The following KIF1A variants were observed in gnomAD, a reference collection of about 807,000 sequenced individuals.
KIF1A encodes the protein kinesin family member 1A.
Under a neutral mutation model 227.3 loss-of-function variants are expected in KIF1A, and 46 were observed. That is an observed-to-expected ratio of 0.20 (90% CI 0.16 to 0.26). The LOEUF (loss-of-function observed/expected upper bound fraction) is 0.26. Ranked by LOEUF, KIF1A falls within the 10% of genes least tolerant of loss-of-function variation. The pLI, the probability that KIF1A is intolerant of heterozygous loss-of-function variation, is 1.00. For synonymous variants in KIF1A, 1,022 were observed against 1,012.8 expected (o/e 1.01, Z -0.17); for missense variants, 1,683 against 2,485.9 (o/e 0.68, Z 6.87).
rs569539453 is a variant in KIF1A, at chr2:240,788,347, G to C, written c.184-117C>G. ...CTCAGGGTGCCAGGGCAGCACAGTG[G>C]GGAGGGATGCCTGCCCCCCATCCTA... On this transcript the variant is annotated intron_variant, in intron 3 of 48. Coordinates refer to ENST00000498729, the MANE Select transcript of KIF1A (RefSeq NM_001244008.2). The surrounding 1 kb of genome is among the most constrained non-coding windows in gnomAD (Gnocchi z 6.6). The C allele has an allele frequency of 1.1e-6, 1 of 894,860 alleles. No individual in the cohort carries two copies. The highest frequency in any genetic ancestry group is 1.7e-5 in the African/African-American group (1 of 59,852). 55.4% of individuals were successfully genotyped at this position (894,860 alleles called of 1,614,324 possible). A position where few individuals can be genotyped will look rare whatever the true frequency, so the allele number is the denominator to read the frequency against.
rs1434996619 is a variant in KIF1A at position 240,720,908 on chromosome 2, A to G, written c.4868+6T>C. On this transcript the variant is annotated splice_donor_region_variant and intron_variant, in intron 45 of 48. Coordinates refer to ENST00000498729, the MANE Select transcript of KIF1A (RefSeq NM_001244008.2). ...AAGCCACTCCGGGAGCCTGGAGCTC[A>G]CTCACCTCAGGTCAGTGGCACCGTA... The G allele has an allele frequency of 6.4e-7, 1 of 1,555,174 alleles. No homozygotes were observed. The highest frequency in any genetic ancestry group is 8.7e-7 in the Non-Finnish European group (1 of 1,145,066).
Position 240,758,041 on chromosome 2 carries a change from G to T in KIF1A, c.2582+319C>A, listed in dbSNP as rs1003539067. On this transcript the variant is annotated intron_variant, in intron 26 of 48. Transcript: ENST00000498729. The surrounding 1 kb of genome is among the most constrained non-coding windows in gnomAD (Gnocchi z 5.2). ...ATGTTCCCACCCTCAGGACCAACAGGTGACCTGGAAAGTTTGCTTGGGAGC... is the reference window on the plus strand; with the variant it reads ...ATGTTCCCACCCTCAGGACCAACAGTTGACCTGGAAAGTTTGCTTGGGAGC... 6.6e-6 allele frequency among the ~76,000 whole-genome samples: 1 copy of T among 152,220 alleles called. No homozygotes were observed. The highest frequency in any genetic ancestry group is 1.5e-5 in the Non-Finnish European group (1 of 68,038).
chr2:240,732,140 T>G (rs116333880), intron 38 of KIF1A, among the ~76,000 whole-genome samples: 198 of 4,554 alleles, frequency 0.043, no homozygotes, highest in South Asian at 0.055. Context: ...GAGGAGGGGA[T>G]GAGGGATTGG....
intron 33 of KIF1A, 55 bp downstream of exon 33, chr2:240,743,887 C>A (rs1223212312): frequency 5.1e-6 from 6 of 1,178,470 alleles, no homozygotes; most frequent in Non-Finnish European, 7.6e-6. Context: ...ATGAAAAGAT[C>A]TGGGCAGGGG....
chr2:240,738,469 GC>G (rs1232034313), intron 37 of KIF1A, among the ~76,000 whole-genome samples: 7 of 152,184 alleles, frequency 4.6e-5, no homozygotes, highest in Non-Finnish European at 8.8e-5. Context: ...GGGATGCTGA[GC>G]TTGGAGAAGG....
At chr2:240,743,632 G>A (rs1043292343) in intron 33 of KIF1A, among the ~76,000 whole-genome samples, 1 of 152,120 alleles carries the variant, frequency 6.6e-6, no homozygotes, top group African/African-American at 2.4e-5. Context: ...GGCAGCAGAA[G>A]TGGTCTCCCC....
rs563345134 is a variant in KIF1A, at chr2:240,772,600, T to C, written c.1181-4A>G. 5.6e-5 allele frequency: 86 copies of C among 1,535,618 alleles called. No homozygotes were observed. The Admixed American group carries it at 1.7e-3, about 30-fold the overall frequency. Reference sequence around the variant, plus strand: ...GGTCCTCCAGGCACAGTGTTGGCTATGGGGGAGGGAAGCGTGGGGGAGGGG... The same window carrying C: ...GGTCCTCCAGGCACAGTGTTGGCTACGGGGGAGGGAAGCGTGGGGGAGGGG... On this transcript the variant is annotated splice_polypyrimidine_tract_variant and splice_region_variant and intron_variant, in intron 13 of 48. Transcript: ENST00000498729.
chr2:240,797,518 A>C, intron 2 of KIF1A, 129 bp downstream of exon 2: 1 of 656,352 alleles, frequency 1.5e-6, no homozygotes, highest in South Asian at 1.8e-5. Flanking sequence ...GGACACCCAC[A>C]CGCCACATAG....
At chr2:240,724,527 C>CTGGA (rs1025203128) in intron 40 of KIF1A, 3 of 196,880 alleles carry the variant, frequency 1.5e-5, no homozygotes, top group African/African-American at 7.1e-5. Flanking sequence ...CTCAAGGACA[C>CTGGA]TGGATCCTGA....
chr2:240,810,317 AT>A (rs2057760675), intron 1 of KIF1A, among the ~76,000 whole-genome samples: 1 of 152,254 alleles, frequency 6.6e-6, no homozygotes, highest in Non-Finnish European at 1.5e-5. Flanking sequence ...GGGCAAAAAG[AT>A]ATGAACTGGC....
At chr2:240,776,777 C>T (rs1389940329) in intron 10 of KIF1A, among the ~76,000 whole-genome samples, 2 of 152,218 alleles carry the variant, frequency 1.3e-5, no homozygotes, top group Non-Finnish European at 2.9e-5. Context: ...CACGCAGATG[C>T]CACCTCAAGG....
chr2:240,772,941 G>C (rs1164367166), intron 13 of KIF1A, among the ~76,000 whole-genome samples, 173 bp downstream of exon 13: 1 of 152,202 alleles, frequency 6.6e-6, no homozygotes, highest in Non-Finnish European at 1.5e-5. Context: ...CAGGAACGTG[G>C]AGCAGGGACA....
chr2:240,746,377 T>C (rs1483933174), intron 29 of KIF1A, among the ~76,000 whole-genome samples, 200 bp from the exon 30 acceptor site: 2 of 152,168 alleles, frequency 1.3e-5, no homozygotes, highest in Admixed American at 6.5e-5. Flanking sequence ...GCTGTGGATG[T>C]GTGTCTTTGG....
At position 240,736,338 on chromosome 2, in the gene KIF1A, C is replaced by A. The variant is rs1226863850; in HGVS notation, c.4007+725G>T. On this transcript the variant is annotated intron_variant, in intron 38 of 48. Transcript: ENST00000498729. The surrounding 1 kb of genome is among the most constrained non-coding windows in gnomAD (Gnocchi z 4.7). The stretch of plus-strand genomic sequence containing the variant: ...CCAGGACTGGACACTGGAGCCCCCG[C>A]CTCACTTTCCCCAAGCCCCTGGAAG... Among the ~76,000 whole-genome samples the A allele has an allele frequency of 6.6e-6, 1 of 152,068 alleles. No homozygotes were observed. The highest frequency in any genetic ancestry group is 1.5e-5 in the Non-Finnish European group (1 of 67,998).
chr2:240,774,310 G>C (rs1238802198), intron 11 of KIF1A, 49 bp from the exon 12 acceptor site: 7 of 1,255,894 alleles, frequency 5.6e-6, no homozygotes, highest in Admixed American at 1.7e-5. Context: ...TAGGCCCCAG[G>C]GCTATGTCTG....
chr2:240,785,370 A>G (rs987226923), intron 6 of KIF1A, among the ~76,000 whole-genome samples: 1 of 152,236 alleles, frequency 6.6e-6, no homozygotes, highest in Non-Finnish European at 1.5e-5. Context: ...TCCTGGGCAC[A>G]GAGAAGCCCA....
At chr2:240,733,688 G>A (rs545823646) in intron 38 of KIF1A, among the ~76,000 whole-genome samples, 1 of 152,320 alleles carries the variant, frequency 6.6e-6, no homozygotes, top group South Asian at 2.1e-4. Context: ...GCCTCAGAAA[G>A]TGCTGGCCAA....
In KIF1A at chr2:240,778,022, C is replaced by A. The variant is rs982136389; in HGVS notation, c.883-2096G>T. On this transcript the variant is annotated intron_variant, in intron 10 of 48. Coordinates refer to ENST00000498729, the MANE Select transcript of KIF1A (RefSeq NM_001244008.2). This position sits in a 1 kb window ranked among gnomAD's most constrained non-coding sequence, Gnocchi z 7.2. ...CTCGCCGTTCCCCGCACGGTTCCCA[C>A]GCGGCTGCTCGCAGCTCACCACACA... Among the ~76,000 whole-genome samples, 2 of 152,188 alleles carry A rather than the reference C, an allele frequency of 1.3e-5. No individual in the cohort carries two copies. The highest frequency in any genetic ancestry group is 4.8e-5 in the African/African-American group (2 of 41,434).
Position 240,736,038 on chromosome 2 carries a change from G to T in KIF1A, c.4007+1025C>A, listed in dbSNP as rs1200293153. ...TATCCAGCTGCCCCCTGCCCTGGCT[G>T]CCCCTGCAGTGCCCTCCTTACTGCA... On this transcript the variant is annotated intron_variant, in intron 38 of 48. Transcript: ENST00000498729. The surrounding 1 kb of genome is among the most constrained non-coding windows in gnomAD (Gnocchi z 4.7). Among the ~76,000 whole-genome samples the T allele has an allele frequency of 6.7e-6, 1 of 149,836 alleles. No homozygotes were observed. The highest frequency in any genetic ancestry group is 1.5e-5 in the Non-Finnish European group (1 of 67,752).
Sources: allele counts gnomAD v4.1 joint callset (sites outside exome capture counted in the v4.1 genomes callset), GRCh38; gene constraint gnomAD v4.1.1; non-coding constraint Gnocchi (gnomAD v3.1); transcripts MANE v1.5; gene names NCBI Gene and HGNC (gene_info 2026-07-23, HGNC 2026-07-21).